Variants in SP140L observed in about 807,000 individuals in gnomAD.
SP140L encodes the protein nuclear body protein SP140-like protein.
A neutral mutation model predicts 84.3 loss-of-function variants in SP140L; 64 were observed. The observed-to-expected ratio is 0.76, with a 90% confidence interval of 0.62 to 0.94. The LOEUF (loss-of-function observed/expected upper bound fraction) is 0.94, where lower values mean the gene tolerates loss of function less well. Among genes scored for constraint, SP140L ranks in the 40% least tolerant of loss-of-function variants. The pLI is 0.00. For synonymous variants in SP140L, 242 were observed against 236.9 expected (o/e 1.02, Z -0.20); for missense variants, 628 against 692.5 (o/e 0.91, Z 1.05).
At chr2:230,396,841 T>G in intron 14 of SP140L, 43 bp downstream of exon 14, 1 of 1,608,766 alleles carries the variant, frequency 6.2e-7, no homozygotes. Context: ...ATATTCCACT[T>G]CTTTCTCCAG....
In SP140L at chr2:230,328,757, G is replaced by A; in HGVS notation, c.33G>A (p.Arg11=). ...AGATCCTGCCAAATTGTCTTTTTAGGGGGCTGAACGGAGGTGTTTCACAAG... is the reference window on the plus strand; with the variant it reads ...AGATCCTGCCAAATTGTCTTTTTAGAGGGCTGAACGGAGGTGTTTCACAAG... MAGGGSDLST[R]GLNGGVSQVA... is the part of the protein sequence containing the mutation. Residue 11 remains arginine (R), a splice_region_variant and synonymous_variant, in exon 2 of 19, where the codon AGG becomes AGA. Transcript: ENST00000415673. The A allele has an allele frequency of 2.5e-6, 4 of 1,611,400 alleles. No homozygotes were observed. The highest frequency in any genetic ancestry group is 3.4e-6 in the Non-Finnish European group (4 of 1,178,606).
chr2:230,347,353 C>T (rs2060239249), intron 2 of SP140L, among the ~76,000 whole-genome samples: 1 of 152,130 alleles, frequency 6.6e-6, no homozygotes, highest in Admixed American at 6.5e-5. Context: ...TCTGGGTTCT[C>T]TTCCAGAGTA....
chr2:230,364,953 G>A (rs1305832971), intron 5 of SP140L, among the ~76,000 whole-genome samples: 2 of 152,052 alleles, frequency 1.3e-5, no homozygotes, highest in East Asian at 1.9e-4. Context: ...TAAGATTTGT[G>A]TGTTGAACCA....
chr2:230,345,582 CT>C (rs370794669), intron 2 of SP140L, among the ~76,000 whole-genome samples: 21,730 of 142,232 alleles, frequency 0.15, 1,729 homozygotes, highest in African/African-American at 0.22. Flanking sequence ...TTTTGTAGTT[CT>C]TTTTTTTTTT....
At chr2:230,398,614 A>C (rs1030351717) in intron 14 of SP140L, among the ~76,000 whole-genome samples, 1 of 152,270 alleles carries the variant, frequency 6.6e-6, no homozygotes, top group Non-Finnish European at 1.5e-5. Flanking sequence ...TGTGAGAGGG[A>C]AAAAGTCCAC....
chr2:230,345,445 T>A (rs2060179121), intron 2 of SP140L, among the ~76,000 whole-genome samples: 1 of 152,208 alleles, frequency 6.6e-6, no homozygotes, highest in Admixed American at 6.5e-5. Context: ...TGTGGGGTTT[T>A]CATAATCCAT....
intron 9 of SP140L, among the ~76,000 whole-genome samples, chr2:230,385,887 C>G (rs914452833): frequency 6.6e-6 from 1 of 152,200 alleles, no homozygotes; most frequent in South Asian, 2.1e-4. Context: ...GCCCTACCCC[C>G]ACTCCATAGC....
chr2:230,396,405 A>G (rs2062048986), intron 13 of SP140L, among the ~76,000 whole-genome samples: 1 of 152,264 alleles, frequency 6.6e-6, no homozygotes, highest in Non-Finnish European at 1.5e-5. Context: ...GAACAAGAAG[A>G]GGTTCAGAGA....
Position 230,393,430 on chromosome 2 carries a change from A to G in SP140L, c.1124A>G (p.Asn375Ser). ...RRLMEEGSLPNPPRIYYRNKK... is the reference protein window; with the variant it reads ...RRLMEEGSLPSPPRIYYRNKK... Reference sequence around the variant, plus strand: ...ATCTTTCAGGAAGGATCTCTACCTAATCCTCCAAGAATATATTACAGGAAC... The same window carrying G: ...ATCTTTCAGGAAGGATCTCTACCTAGTCCTCCAAGAATATATTACAGGAAC... Residue 375 changes from asparagine to serine, a missense_variant, in exon 13 of 19, where the codon AAT becomes AGT. Physicochemically the swap from Asn to Ser is conservative, Grantham distance 46. Around this residue, in one of 4 missense-constraint regions of SP140L, gnomAD observed 525 missense variants for 518.4 expected, o/e 1.01. Transcript: ENST00000415673. 1 of 1,587,048 alleles carries G rather than the reference A, an allele frequency of 6.3e-7. No homozygotes were observed. The highest frequency in any genetic ancestry group is 8.6e-7 in the Non-Finnish European group (1 of 1,168,760).
intron 7 of SP140L, among the ~76,000 whole-genome samples, chr2:230,380,043 A>G: frequency 6.6e-6 from 1 of 152,176 alleles, no homozygotes; most frequent in East Asian, 1.9e-4. Flanking sequence ...ATAAAAACAT[A>G]CCCAAGACTG....
intron 15 of SP140L, chr2:230,400,705 A>G: frequency 1.2e-6 from 1 of 808,822 alleles, no homozygotes; most frequent in South Asian, 1.8e-5. Context: ...CAGCTCAGAC[A>G]GGGAAAGGAT....
At chr2:230,354,255 T>C (rs916415952) in intron 2 of SP140L, among the ~76,000 whole-genome samples, 6 of 152,196 alleles carry the variant, frequency 3.9e-5, no homozygotes, top group Non-Finnish European at 7.4e-5. Context: ...TCAATCAATG[T>C]GATTCACCAA....
chr2:230,366,211 G>A (rs2060864289), intron 5 of SP140L, among the ~76,000 whole-genome samples: 1 of 152,000 alleles, frequency 6.6e-6, no homozygotes, highest in East Asian at 1.9e-4. Flanking sequence ...CTGAAAGTAG[G>A]GTATGAAAGT....
At chr2:230,372,491 C>T (rs11900156) in intron 7 of SP140L, 25,643 of 151,928 alleles carry the variant, frequency 0.17, 2,448 homozygotes, top group South Asian at 0.44. Context: ...TTTGGGAGGC[C>T]GAGACGGGCG....
In SP140L at chr2:230,402,829, T is replaced by G. The variant is rs780988914; in HGVS notation, c.1676T>G (p.Leu559Arg). The G allele has an allele frequency of 1.9e-6, 3 of 1,612,758 alleles. No homozygotes were observed. The Admixed American group carries it at 5.0e-5, about 27-fold the overall frequency. ...GATTTTGGCCAAATGGGACTTAGAC[T>G]GGAGGCTGAATTTGAGAAGGATTTC... ...YKDFGQMGLR[L>R]EAEFEKDFKE... Residue 559 changes from leucine (L) to arginine (R), a missense_variant, in exon 19 of 19, where the codon CTG becomes CGG. Leu to Arg is a moderately radical substitution (Grantham distance 102, BLOSUM62 -2). Transcript: ENST00000415673.
intron 14 of SP140L, among the ~76,000 whole-genome samples, chr2:230,399,157 G>C (rs960110564): frequency 6.6e-6 from 1 of 152,178 alleles, no homozygotes; most frequent in Non-Finnish European, 1.5e-5. Context: ...ACTTGCATTT[G>C]TCTACAATAC....
At position 230,354,848 on chromosome 2, in the gene SP140L, G is replaced by GGAAAGAAAGAAAGAAAGAAAGAAAGAAA. The variant is rs61603133; in HGVS notation, c.108-2935_108-2908dup. 1.3e-4 allele frequency among the ~76,000 whole-genome samples: 14 copies of GGAAAGAAAGAAAGAAAGAAAGAAAGAAA among 108,838 alleles called. 1 individual carries two copies. The highest frequency in any genetic ancestry group is 6.6e-4 in the South Asian group (2 of 3,018). The allele number at this position is 108,838 out of a possible 152,430, so 71.4% of individuals were successfully genotyped here. A position where few individuals can be genotyped will look rare whatever the true frequency, so the allele number is the denominator to read the frequency against. On this transcript the variant is annotated intron_variant, in intron 2 of 18. Transcript: ENST00000415673. ...AAGAAAGAGACAAGAAAGAAAGAAA[G>GGAAAGAAAGAAAGAAAGAAAGAAAGAAA]GAAAGAAAGAAAGAAAGAAAGAAAG...
chr2:230,394,915 G>A lies in SP140L; in HGVS notation c.1155+1454G>A, dbSNP rs186190184. On this transcript the variant is annotated intron_variant, in intron 13 of 18. Coordinates refer to ENST00000415673, the MANE Select transcript of SP140L (RefSeq NM_138402.6). ...ACATAAACCTTTTGGTGGTAGCTGC[G>A]GTGTTGTAAAACAATCTGATACACT... Among the ~76,000 whole-genome samples, 7 of 152,286 alleles carry A rather than the reference G, an allele frequency of 4.6e-5. No homozygotes were observed. In the East Asian group the frequency reaches 7.7e-4, roughly 17 times the overall value.
rs189095180 is a variant in SP140L, at chr2:230,385,421, G to A, written c.784+117G>A. 1.5e-4 allele frequency: 140 copies of A among 927,216 alleles called. 1 individual carries two copies. The East Asian group carries it at 3.4e-3, about 22-fold the overall frequency. 57.4% of individuals were successfully genotyped at this position (927,216 alleles called of 1,614,324 possible). A position where few individuals can be genotyped will look rare whatever the true frequency, so the allele number is the denominator to read the frequency against. ...GTCAAACTTAGTCAATTTCAGAGCA[G>A]TGAAATCTAAAAAACAGCAAACCCA... On this transcript the variant is annotated intron_variant, in intron 9 of 18. Coordinates refer to ENST00000415673, the MANE Select transcript of SP140L (RefSeq NM_138402.6).
Sources: allele counts gnomAD v4.1 joint callset (sites outside exome capture counted in the v4.1 genomes callset), GRCh38; gene constraint gnomAD v4.1.1; regional missense constraint gnomAD v4.1.1; transcripts MANE v1.5; gene names NCBI Gene and HGNC (gene_info 2026-07-23, HGNC 2026-07-21).